Variants in GPM6A observed in about 807,000 individuals in gnomAD.
GPM6A encodes the protein neuronal membrane glycoprotein M6-a.
In GPM6A, 7 loss-of-function variants were observed where a neutral mutation model predicts 32.1. The ratio of observed to expected loss-of-function variants is 0.22; its 90% CI spans 0.12 to 0.41. GPM6A has a LOEUF of 0.41. Ranked by LOEUF, GPM6A falls within the 10% of genes least tolerant of loss-of-function variation. The pLI is 1.00. For missense variants in GPM6A, 235 were observed against 347.2 expected (o/e 0.68, Z 2.57); for synonymous variants, 130 against 123.4 (o/e 1.05, Z -0.35).
chr4:175,888,352 T>C (rs1737530161), intron 1 of GPM6A, among the ~76,000 whole-genome samples: 1 of 152,126 alleles, frequency 6.6e-6, no homozygotes, highest in African/African-American at 2.4e-5. Context: ...AGAAACAGCA[T>C]ACTACAGAGT....
chr4:175,809,536 GT>G (rs1363566054), intron 1 of GPM6A, among the ~76,000 whole-genome samples: 1 of 151,972 alleles, frequency 6.6e-6, no homozygotes, highest in Non-Finnish European at 1.5e-5. Flanking sequence ...TTTGGGGAGG[GT>G]GTCAGAAATT....
chr4:175,750,719 T>C (rs1322052871), intron 1 of GPM6A, among the ~76,000 whole-genome samples: 1 of 152,020 alleles, frequency 6.6e-6, no homozygotes, highest in African/African-American at 2.4e-5. Context: ...ATTATAGGCA[T>C]GTGCTACCAT....
At chr4:175,798,569 C>T (rs1007372407) in intron 1 of GPM6A, 2 of 151,914 alleles carry the variant, frequency 1.3e-5, no homozygotes, top group Admixed American at 1.3e-4. Context: ...TGCATATTTA[C>T]CAGAATCACA....
intron 1 of GPM6A, among the ~76,000 whole-genome samples, chr4:175,721,040 TTATATATATATATGTACTAGTATATA>T (rs1319609341): frequency 2.2e-5 from 1 of 44,706 alleles, no homozygotes; most frequent in Non-Finnish European, 5.9e-5. Flanking sequence ...TACATATATA[TTATATATATATATGTACTAGTATATA>T]TATATTACTT....
chr4:175,643,043 A>G (rs1741242916), intron 4 of GPM6A, among the ~76,000 whole-genome samples: 1 of 152,124 alleles, frequency 6.6e-6, no homozygotes, highest in Admixed American at 6.6e-5. Context: ...CAAACCCTAC[A>G]TGCAATCTAT....
chr4:175,797,300 C>T (rs1487464280), intron 1 of GPM6A, among the ~76,000 whole-genome samples: 1 of 152,002 alleles, frequency 6.6e-6, no homozygotes, highest in East Asian at 1.9e-4. Context: ...ACATTTTAAC[C>T]ATTAATATTA....
chr4:175,802,725 A>G lies in GPM6A; in HGVS notation c.37+9466T>C, dbSNP rs187336323. The stretch of plus-strand genomic sequence containing the variant: ...CCTAGTGTCAGCAAATTTGTAAACT[A>G]CTTTGTTAAATTTTAACAGCGTATT... On this transcript the variant is annotated intron_variant, in intron 1 of 6. Coordinates refer to ENST00000393658, the MANE Select transcript of GPM6A (RefSeq NM_201591.3). Among the ~76,000 whole-genome samples the G allele has an allele frequency of 1.6e-3, 244 of 152,216 alleles. 2 individuals carry two copies. Among genetic ancestry groups the G allele is most frequent in the Non-Finnish European group, 3.0e-3 (202 of 67,938 alleles).
chr4:175,952,487 G>A (rs975576752), intron 1 of GPM6A, among the ~76,000 whole-genome samples: 14 of 152,118 alleles, frequency 9.2e-5, no homozygotes, highest in South Asian at 2.1e-4. Context: ...AACAAGGAGC[G>A]GAGGCTACAG....
chr4:175,749,887 T>A (rs1010039378), intron 1 of GPM6A, among the ~76,000 whole-genome samples: 13 of 152,168 alleles, frequency 8.5e-5, no homozygotes, highest in Admixed American at 7.9e-4. Flanking sequence ...CCCCACATCA[T>A]CTATGCCTTC....
intron 1 of GPM6A, among the ~76,000 whole-genome samples, chr4:175,819,209 C>A (rs1735202667): frequency 1.3e-5 from 2 of 152,002 alleles, no homozygotes; most frequent in South Asian, 4.2e-4. Context: ...AACACTACTA[C>A]TAATTGAGAA....
At chr4:175,773,446 C>T (rs1733269524) in intron 1 of GPM6A, among the ~76,000 whole-genome samples, 1 of 152,024 alleles carries the variant, frequency 6.6e-6, no homozygotes, top group African/African-American at 2.4e-5. Flanking sequence ...AATAAAATCT[C>T]AACATTCAAA....
chr4:175,775,799 A>G (rs1406706870), intron 1 of GPM6A, among the ~76,000 whole-genome samples: 1 of 152,160 alleles, frequency 6.6e-6, no homozygotes, highest in African/African-American at 2.4e-5. Context: ...AGCCAATTAA[A>G]TGTTTATTAC....
At chr4:175,937,057 T>G (rs6832211) in intron 1 of GPM6A, among the ~76,000 whole-genome samples, 9,201 of 152,170 alleles carry the variant, frequency 0.06, 872 homozygotes, top group African/African-American at 0.21. Flanking sequence ...TTCCAGCACT[T>G]TCAAGGGTAC....
Position 175,726,369 on chromosome 4 carries a change from C to A in GPM6A, c.38-24602G>T, listed in dbSNP as rs972938809. 2.6e-5 allele frequency among the ~76,000 whole-genome samples: 4 copies of A among 152,148 alleles called. No individual in the cohort carries two copies. The South Asian group carries it at 8.3e-4, about 31-fold the overall frequency. On this transcript the variant is annotated intron_variant, in intron 1 of 6. Transcript: ENST00000393658. ...TATTTATCTGAATCTATAAAAAATT[C>A]TTCTGAAAGTCTCTTAGAAAAACTC...
intron 1 of GPM6A, among the ~76,000 whole-genome samples, chr4:175,912,825 G>T (rs1434838938): frequency 6.6e-6 from 1 of 152,146 alleles, no homozygotes; most frequent in African/African-American, 2.4e-5. Context: ...GTTAAATGAG[G>T]TAATGCAAAT....
intron 2 of GPM6A, among the ~76,000 whole-genome samples, chr4:175,697,467 G>T (rs1744645458): frequency 6.6e-6 from 1 of 152,114 alleles, no homozygotes; most frequent in African/African-American, 2.4e-5. Context: ...TGAGTGCTGA[G>T]TGGGCCTAAA....
chr4:175,923,763 A>G (rs1376039165), intron 1 of GPM6A, among the ~76,000 whole-genome samples: 4 of 152,078 alleles, frequency 2.6e-5, no homozygotes, highest in Non-Finnish European at 4.4e-5. Flanking sequence ...CATGTTGCTC[A>G]GGCTGGTATC....
chr4:175,989,612 C>G (rs542668031), intron 1 of GPM6A, among the ~76,000 whole-genome samples: 1 of 152,116 alleles, frequency 6.6e-6, no homozygotes, highest in South Asian at 2.1e-4. Flanking sequence ...CTTAACTATA[C>G]ATTTTCTGAT....
intron 1 of GPM6A, among the ~76,000 whole-genome samples, chr4:175,901,060 G>GATCTAAAAATCAA: frequency 6.6e-6 from 1 of 151,408 alleles, no homozygotes; most frequent in South Asian, 2.1e-4. Context: ...CTATCTGTGG[G>GATCTAAAAATCAA]ATCTAAAAAT....
Sources: allele counts gnomAD v4.1 joint callset (sites outside exome capture counted in the v4.1 genomes callset), GRCh38; gene constraint gnomAD v4.1.1; transcripts MANE v1.5; gene names NCBI Gene and HGNC (gene_info 2026-07-23, HGNC 2026-07-21).